The following B4GALNT4 variants were observed in gnomAD, a reference collection of about 807,000 sequenced individuals.
B4GALNT4 encodes the protein beta-1,4-N-acetyl-galactosaminyltransferase 4, also known as N-acetyl-beta-glucosaminyl-glycoprotein 4-beta-N-acetylgalactosaminyltransferase 1.
Under a neutral mutation model 110.0 loss-of-function variants are expected in B4GALNT4, and 77 were observed. The ratio of observed to expected loss-of-function variants is 0.70; its 90% CI spans 0.58 to 0.85. The LOEUF (loss-of-function observed/expected upper bound fraction) is 0.85, where lower values mean the gene tolerates loss of function less well. B4GALNT4 is among the 40% of genes least tolerant of loss of function. The probability of loss-of-function intolerance (pLI) is 0.00; values close to 1 mark genes in which losing one functional copy is unlikely to be tolerated. For synonymous variants in B4GALNT4, 785 were observed against 655.5 expected (o/e 1.20, Z -3.02); for missense variants, 1,575 against 1,506.0 (o/e 1.05, Z -0.76).
intron 19 of B4GALNT4, chr11:381,156 A>G: frequency 2.0e-6 from 2 of 984,976 alleles, no homozygotes; most frequent in Non-Finnish European, 2.4e-6. Context: ...AGGGTCCTGC[A>G]AGGTCAGGGA....
Position 376,494 on chromosome 11 carries a change from C to A in B4GALNT4, c.1371C>A (p.Ser457Arg). ...CCACCGAGGCGGCCCCGCCCAGGAG[C>A]GGCCCCCAGTCCCCCGCCCCAGCAG... ...LEPTEAAPPR[S>R]GPQSPAPAAP... Residue 457 changes from serine (S) to arginine (R), a missense_variant, in exon 14 of 20, where the codon AGC (serine) becomes AGA (arginine). Coordinates refer to ENST00000329962, the MANE Select transcript of B4GALNT4 (RefSeq NM_178537.5). The A allele has an allele frequency of 1.3e-6, 2 of 1,562,028 alleles. No homozygotes were observed. The highest frequency in any genetic ancestry group is 1.2e-5 in the South Asian group (1 of 86,644).
At position 376,237 on chromosome 11, in the gene B4GALNT4, C is replaced by G; in HGVS notation, c.1197-14C>G. The stretch of plus-strand genomic sequence containing the variant: ...CGGGGCGGGACTCGGCTCTGATGCC[C>G]CGCCGCGCCCCAGGTTTGGGTTCTA... On this transcript the variant is annotated splice_polypyrimidine_tract_variant and intron_variant, in intron 12 of 19. Coordinates refer to ENST00000329962, the MANE Select transcript of B4GALNT4 (RefSeq NM_178537.5). The G allele has an allele frequency of 6.2e-7, 1 of 1,605,784 alleles. No individual in the cohort carries two copies. The highest frequency in any genetic ancestry group is 8.5e-7 in the Non-Finnish European group (1 of 1,175,960).
At chr11:371,649 G>A (rs967072608) in intron 1 of B4GALNT4, among the ~76,000 whole-genome samples, 3 of 152,216 alleles carry the variant, frequency 2.0e-5, no homozygotes, top group African/African-American at 7.2e-5. Flanking sequence ...ACAGTCCCTG[G>A]CACTAACCCT....
Position 381,154 on chromosome 11 carries a change from G to A in B4GALNT4, c.2996+203G>A, listed in dbSNP as rs1846867844. 13 of 984,780 alleles carry A rather than the reference G, an allele frequency of 1.3e-5. No individual in the cohort carries two copies. The South Asian group carries it at 6.1e-4, about 46-fold the overall frequency. The allele number at this position is 984,780 out of a possible 1,614,324, so 61.0% of individuals were successfully genotyped here. A position where few individuals can be genotyped will look rare whatever the true frequency, so the allele number is the denominator to read the frequency against. On this transcript the variant is annotated intron_variant, in intron 19 of 19. Coordinates refer to ENST00000329962, the MANE Select transcript of B4GALNT4 (RefSeq NM_178537.5). ...AACCCTGTCCCACCCCCAGGGTCCT[G>A]CAAGGTCAGGGACATCCCTGAACCA...
rs984303735 is a variant in B4GALNT4, at chr11:376,940, C to G, written c.1817C>G (p.Thr606Arg). Residue 606 changes from threonine (T) to arginine (R), a missense_variant, in exon 14 of 20, where the codon ACG (threonine) becomes AGG (arginine). Coordinates refer to ENST00000329962, the MANE Select transcript of B4GALNT4 (RefSeq NM_178537.5). ...GGGGGCCGGGAGGGCCAGGCGCGCA[C>G]GCTGGGACCTGCGGCGCCCACAGTG... ...TQGGREGQARTLGPAAPTVDS... is the reference protein window; with the variant it reads ...TQGGREGQARRLGPAAPTVDS... The G allele has an allele frequency of 4.2e-6, 6 of 1,437,148 alleles. No homozygotes were observed. Among genetic ancestry groups the G allele is most frequent in the Admixed American group, 6.5e-5 (2 of 30,832 alleles). 89.0% of individuals were successfully genotyped at this position (1,437,148 alleles called of 1,614,324 possible).
rs767373884 is a variant in B4GALNT4 at position 379,966 on chromosome 11, C to T, written c.2589C>T (p.Phe863=). 8 of 1,612,748 alleles carry T rather than the reference C, an allele frequency of 5.0e-6. No homozygotes were observed. The highest frequency in any genetic ancestry group is 1.1e-5 in the South Asian group (1 of 91,082). ...GTTTCAGCGTCGTCCTGGTGGATTT[C>T]GAGAGCGAGGATATGGACGTGGAGC... is the stretch of plus-strand genomic sequence containing the variant. ...DSRFSVVLVD[F]ESEDMDVERA... is the part of the protein sequence containing the mutation. Residue 863 remains phenylalanine, a synonymous_variant, in exon 16 of 20, where the codon TTC becomes TTT. Coordinates refer to ENST00000329962, the MANE Select transcript of B4GALNT4 (RefSeq NM_178537.5).
chr11:373,498 A>T lies in B4GALNT4; in HGVS notation c.686A>T (p.Gln229Leu), dbSNP rs1219435020. The T allele has an allele frequency of 6.2e-7, 1 of 1,604,828 alleles. No homozygotes were observed. ...GGAGAATTCACCAAGTTCAGCTCCC[A>T]GGTGTCCAAGCCCAGGCGGTGAGTG... The part of the protein sequence containing the change: ...APGEFTKFSS[Q>L]VSKPRRLMAS... Residue 229 changes from glutamine (Q) to leucine (L), a missense_variant, in exon 7 of 20, where the codon CAG (glutamine) becomes CTG (leucine). Transcript: ENST00000329962.
Position 379,926 on chromosome 11 carries a change from G to A in B4GALNT4, c.2549G>A (p.Arg850His), listed in dbSNP as rs201880041. The A allele has an allele frequency of 1.9e-6, 3 of 1,611,022 alleles. No individual in the cohort carries two copies. The highest frequency in any genetic ancestry group is 1.7e-6 in the Non-Finnish European group (2 of 1,179,808). ...GCGGACATGGCTGCGCTGCACGCGC[G>A]CACCGGGGACTCGCGTTTCAGCGTC... ...FLADMAALHA[R>H]TGDSRFSVVL... Residue 850 changes from arginine (R) to histidine (H), a missense_variant, in exon 16 of 20, where the codon CGC becomes CAC. By Grantham distance (29) the Arg-to-His change is conservative (BLOSUM62 0). Coordinates refer to ENST00000329962, the MANE Select transcript of B4GALNT4 (RefSeq NM_178537.5).
At chr11:375,378 C>G (rs974197550) in intron 8 of B4GALNT4, 83 bp from the exon 9 acceptor site, 28 of 1,433,806 alleles carry the variant, frequency 2.0e-5, no homozygotes, top group Non-Finnish European at 2.5e-5. Context: ...TATTAGTCCC[C>G]CGGCCCTGAG....
chr11:380,113 T>C lies in B4GALNT4; in HGVS notation c.2643-17T>C, dbSNP rs776633103. On this transcript the variant is annotated splice_polypyrimidine_tract_variant and intron_variant, in intron 16 of 19. Transcript: ENST00000329962. ...ACCCCACCCCCAGAGATCGTGCCTG[T>C]GACTCGCCCTCCCCAGGTACCAGTA... The C allele has an allele frequency of 6.3e-7, 1 of 1,596,574 alleles. No individual in the cohort carries two copies. Among genetic ancestry groups the C allele is most frequent in the Non-Finnish European group, 8.6e-7 (1 of 1,168,620 alleles).
chr11:377,814 G>C (rs1846790813), intron 14 of B4GALNT4, among the ~76,000 whole-genome samples: 1 of 152,354 alleles, frequency 6.6e-6, no homozygotes, highest in East Asian at 1.9e-4. Context: ...GGAAGGTGCA[G>C]GGCTTCTGCC....
intron 18 of B4GALNT4, 152 bp from the exon 19 acceptor site, chr11:380,673 T>C (rs1466981351): frequency 1.4e-6 from 2 of 1,379,348 alleles, no homozygotes; most frequent in Middle Eastern, 1.8e-4. Context: ...CGCTCCAGGG[T>C]CATGACCCAG....
chr11:379,992 G>T lies in B4GALNT4; in HGVS notation c.2615G>T (p.Arg872Leu), dbSNP rs1846839748. 2 of 1,612,826 alleles carry T rather than the reference G, an allele frequency of 1.2e-6. No individual in the cohort carries two copies. Among genetic ancestry groups the T allele is most frequent in the African/African-American group, 2.7e-5 (2 of 74,914 alleles). Residue 872 changes from arginine (R) to leucine (L), a missense_variant, in exon 16 of 20, where the codon CGG becomes CTG. Transcript: ENST00000329962. ...GAGAGCGAGGATATGGACGTGGAGC[G>T]GGCCCTGCGCGCCGCGCGCCTGCCC... ...DFESEDMDVE[R>L]ALRAARLPRY...
chr11:373,306 G>GCC lies in B4GALNT4; in HGVS notation c.636+17_636+18dup. On this transcript the variant is annotated intron_variant, in intron 6 of 19. Transcript: ENST00000329962. ...TTGTGGGCAAGGTACCCCCACCCCAGCCCTGGTGTCGTCCCGGGCCTCCTG... is the reference window on the plus strand; with the variant it reads ...TTGTGGGCAAGGTACCCCCACCCCAGCCCCCTGGTGTCGTCCCGGGCCTCCTG... The GCC allele has an allele frequency of 6.2e-7, 1 of 1,604,236 alleles. No individual in the cohort carries two copies. Among genetic ancestry groups the GCC allele is most frequent in the Non-Finnish European group, 8.5e-7 (1 of 1,174,454 alleles).
chr11:379,320 C>T, intron 14 of B4GALNT4, 98 bp from the exon 15 acceptor site: 1 of 1,345,404 alleles, frequency 7.4e-7, no homozygotes, highest in Non-Finnish European at 9.7e-7. Context: ...CCTCCGCCAA[C>T]TCCAAGTCGG....
In B4GALNT4 at chr11:375,868, G is replaced by C. The variant is rs1225090599; in HGVS notation, c.1007G>C (p.Ser336Thr). Reference sequence around the variant, plus strand: ...GCAGCTCCACGCATGGAATCTTCGAGCCTGGAGAACGTGCTGGAGCCCTGC... The same window carrying C: ...GCAGCTCCACGCATGGAATCTTCGACCCTGGAGAACGTGCTGGAGCCCTGC... ...FFLTPRMESS[S>T]LENVLEPCAY... The change falls in exon 11 of 20, where the codon AGC becomes ACC. Residue 336 changes from serine (S) to threonine (T), a missense_variant. Coordinates refer to ENST00000329962, the MANE Select transcript of B4GALNT4 (RefSeq NM_178537.5). 2 of 1,610,982 alleles carry C rather than the reference G, an allele frequency of 1.2e-6. No individual in the cohort carries two copies. The highest frequency in any genetic ancestry group is 2.7e-5 in the African/African-American group (2 of 74,822).
At position 372,870 on chromosome 11, in the gene B4GALNT4, C is replaced by A; in HGVS notation, c.367C>A (p.Leu123Met). ...TCCCCAGTACAAGGGGCAGGTGAAC[C>A]TGCACGTGTTTGAGGACTGGTGTGG... ...WREEYKGQVN[L>M]HVFEDWCGGA... Residue 123 changes from leucine to methionine, a missense_variant, in exon 4 of 20, where the codon CTG becomes ATG. Leu to Met is a conservative substitution (Grantham distance 15). Transcript: ENST00000329962. 6.2e-7 allele frequency: 1 copy of A among 1,611,752 alleles called. No homozygotes were observed. Among genetic ancestry groups the A allele is most frequent in the Non-Finnish European group, 8.5e-7 (1 of 1,179,718 alleles).
Position 376,308 on chromosome 11 carries a change from A to C in B4GALNT4, c.1254A>C (p.Glu418Asp), listed in dbSNP as rs1846749919. 6.2e-7 allele frequency: 1 copy of C among 1,610,482 alleles called. No homozygotes were observed. Among genetic ancestry groups the C allele is most frequent in the East Asian group, 2.2e-5 (1 of 44,798 alleles). The change falls in exon 13 of 20, where the codon GAA becomes GAC. Residue 418 changes from glutamate to aspartate, a missense_variant. Physicochemically the swap from Glu to Asp is conservative, Grantham distance 45. Coordinates refer to ENST00000329962, the MANE Select transcript of B4GALNT4 (RefSeq NM_178537.5). ...MDKEEGDEDE[E>D]DEVQRRAFLF... ...AGGAGGAGGGGGATGAGGATGAAGA[A>C]GACGAGGTGCAGCGCCGAGCCTTCC...
chr11:376,230 T>A (rs1846747486), intron 12 of B4GALNT4, 21 bp from the exon 13 acceptor site: 2 of 1,603,208 alleles, frequency 1.2e-6, no homozygotes, highest in Non-Finnish European at 8.5e-7. Flanking sequence ...GACTCGGCTC[T>A]GATGCCCCGC....
Sources: gnomAD v4.1 joint callset for allele counts (sites outside exome capture counted in the v4.1 genomes callset) on GRCh38, gnomAD v4.1.1 for gene constraint, MANE v1.5 for transcripts, NCBI Gene and HGNC (gene_info 2026-07-23, HGNC 2026-07-21) for gene names.